The following GSG1L variants were observed in gnomAD, a reference collection of about 807,000 sequenced individuals.
GSG1L encodes the protein GSG1 like, also known as germ cell-specific gene 1-like protein.
A neutral mutation model predicts 42.1 loss-of-function variants in GSG1L; 24 were observed. That is an observed-to-expected ratio of 0.57 (90% CI 0.41 to 0.80). The LOEUF is 0.80. GSG1L is among the 30% of genes least tolerant of loss of function. The pLI is 0.00. For synonymous variants in GSG1L, 215 were observed against 203.5 expected (o/e 1.06, Z -0.48); for missense variants, 445 against 472.2 (o/e 0.94, Z 0.53).
intron 2 of GSG1L, among the ~76,000 whole-genome samples, chr16:27,911,971 C>T (rs2084397133): frequency 6.6e-6 from 1 of 152,208 alleles, no homozygotes; most frequent in South Asian, 2.1e-4. Flanking sequence ...GCCCCAGTGT[C>T]TTGAACTGCG....
rs1167649467 is a variant in GSG1L, at chr16:28,063,479, T to C, written c.-55A>G. 1.8e-6 allele frequency: 2 copies of C among 1,095,142 alleles called. No homozygotes were observed. The highest frequency in any genetic ancestry group is 4.9e-5 in the Admixed American group (1 of 20,218). The allele number at this position is 1,095,142 out of a possible 1,614,324, so 67.8% of individuals were successfully genotyped here. Reference sequence around the variant, plus strand: ...CCGCCGGGGAGCTCCGCGCGCGAAGTTGGCAGCTGGCGCCCCGCGTCAGCG... The same window carrying C: ...CCGCCGGGGAGCTCCGCGCGCGAAGCTGGCAGCTGGCGCCCCGCGTCAGCG... On this transcript the variant is annotated 5_prime_UTR_variant, in exon 1 of 7. Coordinates refer to ENST00000447459, the MANE Select transcript of GSG1L (RefSeq NM_001109763.2). The surrounding 1 kb of genome is among the most constrained non-coding windows in gnomAD (Gnocchi z 5.8).
intron 2 of GSG1L, among the ~76,000 whole-genome samples, chr16:27,935,063 G>A (rs1356506584): frequency 1.3e-5 from 2 of 152,242 alleles, no homozygotes; most frequent in Non-Finnish European, 2.9e-5. Flanking sequence ...GACAAAGCAA[G>A]GTGACTTGAG....
intron 4 of GSG1L, among the ~76,000 whole-genome samples, chr16:27,831,937 G>A (rs555236040): frequency 2.4e-3 from 360 of 152,026 alleles, no homozygotes; most frequent in Non-Finnish European, 3.8e-3. Context: ...CCCTGGACTC[G>A]CTGCTTTCCA....
At position 28,063,402 on chromosome 16, in the gene GSG1L, C is replaced by G; in HGVS notation, c.23G>C (p.Arg8Pro). 7.6e-7 allele frequency: 1 copy of G among 1,321,946 alleles called. No individual in the cohort carries two copies. The highest frequency in any genetic ancestry group is 1.6e-5 in the African/African-American group (1 of 64,472). The allele number at this position is 1,321,946 out of a possible 1,614,324, so 81.9% of individuals were successfully genotyped here. A position where few individuals can be genotyped will look rare whatever the true frequency, so the allele number is the denominator to read the frequency against. MKTSRRG[R>P]ALLAVALNLL... is the part of the protein sequence containing the mutation. ...GTTCAGGGCCACGGCCAGGAGCGCT[C>G]GGCCGCGGCGGCTAGTCTTCATGCC... Residue 8 changes from arginine to proline, a missense_variant, in exon 1 of 7, where the codon CGA (arginine) becomes CCA (proline). Transcript: ENST00000447459. This position sits in a 1 kb window ranked among gnomAD's most constrained non-coding sequence, Gnocchi z 5.8.
intron 3 of GSG1L, among the ~76,000 whole-genome samples, chr16:27,875,735 A>G (rs1225856733): frequency 6.6e-6 from 1 of 152,178 alleles, no homozygotes; most frequent in East Asian, 1.9e-4. Context: ...TTTGTTTAGA[A>G]ATGAGTCTAT....
chr16:27,847,125 G>C (rs2083453345), intron 3 of GSG1L, among the ~76,000 whole-genome samples: 1 of 152,166 alleles, frequency 6.6e-6, no homozygotes, highest in Non-Finnish European at 1.5e-5. Context: ...TGCACCTCCT[G>C]AATTAGAGGA....
At chr16:28,060,018 G>A (rs2086323080) in intron 1 of GSG1L, among the ~76,000 whole-genome samples, 1 of 152,200 alleles carries the variant, frequency 6.6e-6, no homozygotes, top group Non-Finnish European at 1.5e-5. Context: ...AGGCGTTGGA[G>A]AGGAGGGAAC....
chr16:27,842,064 C>A (rs8055690), intron 4 of GSG1L, among the ~76,000 whole-genome samples: 1 of 134,516 alleles, frequency 7.4e-6, no homozygotes, highest in South Asian at 2.3e-4. Flanking sequence ...ATCAGTAGCA[C>A]GATGTCGCGC....
At chr16:27,869,961 C>A (rs529511342) in intron 3 of GSG1L, among the ~76,000 whole-genome samples, 10 of 144,876 alleles carry the variant, frequency 6.9e-5, no homozygotes, top group Admixed American at 3.4e-4. Context: ...ATCTCTCTCT[C>A]TCCTTCTCTC....
chr16:27,828,998 C>T, intron 4 of GSG1L, 42 bp from the exon 5 acceptor site: 2 of 1,596,698 alleles, frequency 1.3e-6, no homozygotes, highest in Non-Finnish European at 1.7e-6. Context: ...TGAGGGTGGG[C>T]AAGGGACAGG....
intron 2 of GSG1L, among the ~76,000 whole-genome samples, chr16:27,897,155 C>G (rs557260348): frequency 1.3e-5 from 2 of 152,178 alleles, no homozygotes; most frequent in Non-Finnish European, 2.9e-5. Flanking sequence ...TGGGCCACCA[C>G]GCCCAGCCAA....
intron 3 of GSG1L, among the ~76,000 whole-genome samples, chr16:27,865,566 T>C (rs1236011966): frequency 1.0e-3 from 20 of 19,116 alleles, no homozygotes; most frequent in Middle Eastern, 0.016. Context: ...TATATATATA[T>C]ATATATACAC....
At chr16:27,951,945 C>G (rs569720076) in intron 2 of GSG1L, among the ~76,000 whole-genome samples, 15 of 152,144 alleles carry the variant, frequency 9.9e-5, no homozygotes, top group Non-Finnish European at 1.6e-4. Context: ...TGTTACACAT[C>G]CCTGAAATAT....
intron 6 of GSG1L, among the ~76,000 whole-genome samples, chr16:27,800,728 G>A (rs1033939715): frequency 1.3e-5 from 2 of 152,160 alleles, no homozygotes; most frequent in African/African-American, 4.8e-5. Context: ...ATATAAAAGT[G>A]GCTTCTCAGA....
chr16:27,902,485 G>A (rs2084271202), intron 2 of GSG1L, among the ~76,000 whole-genome samples: 1 of 152,158 alleles, frequency 6.6e-6, no homozygotes, highest in Admixed American at 6.5e-5. Flanking sequence ...AGGAGGGGGT[G>A]GTGAGGCTGG....
chr16:27,860,497 C>T (rs2083634785), intron 3 of GSG1L, among the ~76,000 whole-genome samples: 1 of 152,206 alleles, frequency 6.6e-6, no homozygotes, highest in African/African-American at 2.4e-5. Context: ...GTTCTCTGTC[C>T]TCTGGCAGAG....
intron 1 of GSG1L, among the ~76,000 whole-genome samples, chr16:28,026,839 T>G (rs1366139372): frequency 6.6e-6 from 1 of 152,136 alleles, no homozygotes; most frequent in African/African-American, 2.4e-5. Flanking sequence ...CCCAACACTT[T>G]GGGAGGCTGA....
intron 3 of GSG1L, among the ~76,000 whole-genome samples, chr16:27,876,119 C>A (rs1305259281): frequency 2.6e-5 from 4 of 151,996 alleles, no homozygotes; most frequent in Admixed American, 2.6e-4. Context: ...TGACTTAGAC[C>A]CTCTGCATTT....
chr16:27,934,197 A>C (rs2084688926), intron 2 of GSG1L, among the ~76,000 whole-genome samples: 1 of 152,190 alleles, frequency 6.6e-6, no homozygotes. Flanking sequence ...ATTCAAAATA[A>C]ATGTACAGGG....
Sources: allele counts gnomAD v4.1 joint callset (sites outside exome capture counted in the v4.1 genomes callset), GRCh38; gene constraint gnomAD v4.1.1; non-coding constraint Gnocchi (gnomAD v3.1); transcripts MANE v1.5; gene names NCBI Gene and HGNC (gene_info 2026-07-23, HGNC 2026-07-21).